The following NINJ2 variants were observed in gnomAD, a reference collection of about 807,000 sequenced individuals.
NINJ2 encodes ninjurin-2.
A neutral mutation model predicts 11.7 loss-of-function variants in NINJ2; 12 were observed. That is an observed-to-expected ratio of 1.02 (90% CI 0.66 to 1.66). NINJ2 has a LOEUF of 1.66. NINJ2 is among the 40% of genes most tolerant of loss of function. The pLI is 0.00. For missense variants in NINJ2, 187 were observed against 181.8 expected, an observed-to-expected ratio of 1.03 and a Z score of -0.16; for synonymous variants, 93 against 76.8, an observed-to-expected ratio of 1.21 and a Z score of -1.10.
At position 584,954 on chromosome 12, in the gene NINJ2, T is replaced by C. The variant is rs375113727; in HGVS notation, c.34-18776A>G. 3.0e-4 allele frequency among the ~76,000 whole-genome samples: 45 copies of C among 151,486 alleles called. No homozygotes were observed. The East Asian group carries it at 7.8e-3, about 26-fold the overall frequency. ...CAATATGGTGAAACCCCGTCTCTACTAAAAATAAAAGAAAATTAGCTGGGC... is the reference window on the plus strand; with the variant it reads ...CAATATGGTGAAACCCCGTCTCTACCAAAAATAAAAGAAAATTAGCTGGGC... On this transcript the variant is annotated intron_variant, in intron 1 of 3. Transcript: ENST00000305108.
At chr12:588,176 C>T (rs75881003) in intron 1 of NINJ2, among the ~76,000 whole-genome samples, 3 of 142,522 alleles carry the variant, frequency 2.1e-5, no homozygotes, top group South Asian at 2.2e-4. Context: ...ACGGAAGGGA[C>T]GGAAGGGACG....
At chr12:566,650 G>C (rs953130389) in intron 1 of NINJ2, among the ~76,000 whole-genome samples, 2 of 152,186 alleles carry the variant, frequency 1.3e-5, no homozygotes, top group African/African-American at 4.8e-5. Flanking sequence ...CCCAAGGCAG[G>C]GTGCACAGCT....
At chr12:616,403 A>G (rs933399077) in intron 1 of NINJ2, among the ~76,000 whole-genome samples, 5 of 152,114 alleles carry the variant, frequency 3.3e-5, no homozygotes, top group Non-Finnish European at 4.4e-5. Context: ...CCTGAGAGAG[A>G]GGACTGTGTG....
In NINJ2 at chr12:633,163, C is replaced by T. The variant is rs1948303224; in HGVS notation, c.33+30165G>A. Among the ~76,000 whole-genome samples, 1 of 152,000 alleles carries T rather than the reference C, an allele frequency of 6.6e-6. No individual in the cohort carries two copies. Among genetic ancestry groups the T allele is most frequent in the African/African-American group, 2.4e-5 (1 of 41,384 alleles). ...CCCTCTAATCTATCTTGCATCCCTT[C>T]CTGAACCAACCTCCCTAAAACTGTG... On this transcript the variant is annotated intron_variant, in intron 1 of 3. Transcript: ENST00000305108. This position sits in a 1 kb window ranked among gnomAD's most constrained non-coding sequence, Gnocchi z 4.3.
chr12:643,443 C>T (rs1937625376), intron 1 of NINJ2: 2 of 988,104 alleles, frequency 2.0e-6, no homozygotes, highest in Non-Finnish European at 1.2e-6. Flanking sequence ...ACGCGGCTCA[C>T]AAACTAGGGA....
intron 1 of NINJ2, among the ~76,000 whole-genome samples, chr12:652,832 A>G (rs1937813848): frequency 6.6e-6 from 1 of 150,814 alleles, no homozygotes; most frequent in African/African-American, 2.4e-5. Flanking sequence ...CCTGTAACCC[A>G]GCTACTTGGG....
At chr12:620,471 T>C (rs550282857) in intron 1 of NINJ2, among the ~76,000 whole-genome samples, 1 of 152,368 alleles carries the variant, frequency 6.6e-6, no homozygotes, top group East Asian at 1.9e-4. Context: ...GTTTGTCAAA[T>C]GCACAGAGGT....
At chr12:596,747 A>C (rs1183630180) in intron 1 of NINJ2, among the ~76,000 whole-genome samples, 1 of 152,028 alleles carries the variant, frequency 6.6e-6, no homozygotes, top group Non-Finnish European at 1.5e-5. Flanking sequence ...ACATGGCAAA[A>C]TCCTGTCTCT....
At chr12:603,396 T>C (rs184706100) in intron 1 of NINJ2, among the ~76,000 whole-genome samples, 1 of 152,362 alleles carries the variant, frequency 6.6e-6, no homozygotes, top group African/African-American at 2.4e-5. Context: ...GATGGTGCCA[T>C]TTGAAACGCA....
chr12:602,409 T>C (rs1054584465), intron 1 of NINJ2, among the ~76,000 whole-genome samples: 9 of 152,240 alleles, frequency 5.9e-5, no homozygotes, highest in African/African-American at 1.9e-4. Flanking sequence ...CTTTGTGTTG[T>C]TCATTTAGCA....
intron 1 of NINJ2, among the ~76,000 whole-genome samples, chr12:624,890 C>T (rs984830982): frequency 6.6e-6 from 1 of 151,136 alleles, no homozygotes; most frequent in African/African-American, 2.4e-5. Flanking sequence ...GGGTGGATCA[C>T]CTGAGGTAAG....
intron 1 of NINJ2, among the ~76,000 whole-genome samples, chr12:653,255 G>A (rs1041730139): frequency 2.0e-5 from 3 of 151,776 alleles, no homozygotes; most frequent in East Asian, 1.9e-4. Context: ...CTCTTGACCC[G>A]TGATCTGCCC....
At chr12:662,193 G>T (rs1937966536) in intron 1 of NINJ2, among the ~76,000 whole-genome samples, 2 of 152,240 alleles carry the variant, frequency 1.3e-5, no homozygotes, top group African/African-American at 4.8e-5. Context: ...GAAGGTTCCA[G>T]ACAGAGGGAC....
intron 1 of NINJ2, among the ~76,000 whole-genome samples, chr12:634,909 A>G (rs1174340985): frequency 1.3e-5 from 2 of 152,036 alleles, no homozygotes; most frequent in African/African-American, 4.8e-5. Context: ...GAAACCATAC[A>G]CTTCTTTTTT....
chr12:642,440 A>G (rs1948430666), intron 1 of NINJ2, among the ~76,000 whole-genome samples: 1 of 152,118 alleles, frequency 6.6e-6, no homozygotes, highest in Admixed American at 6.5e-5. Context: ...CATGCTGGCC[A>G]GGATGGTCTT....
chr12:611,309 TTC>T (rs199681450), intron 1 of NINJ2, among the ~76,000 whole-genome samples: 13 of 149,930 alleles, frequency 8.7e-5, no homozygotes, highest in South Asian at 2.2e-4. Flanking sequence ...CTTCCTTTCT[TTC>T]TCTCTCTCTC....
chr12:588,351 C>T (rs1413676647), intron 1 of NINJ2, among the ~76,000 whole-genome samples: 3 of 152,174 alleles, frequency 2.0e-5, no homozygotes, highest in African/African-American at 7.2e-5. Context: ...ATAACTATGA[C>T]ATCAAATCCG....
chr12:595,197 G>T (rs891224739), intron 1 of NINJ2, among the ~76,000 whole-genome samples: 3 of 151,946 alleles, frequency 2.0e-5, no homozygotes, highest in Non-Finnish European at 4.4e-5. Flanking sequence ...AACTCAAAAT[G>T]GATCATAGAT....
chr12:584,544 G>C (rs185204095), intron 1 of NINJ2, among the ~76,000 whole-genome samples: 1 of 152,228 alleles, frequency 6.6e-6, no homozygotes, highest in Admixed American at 6.5e-5. Context: ...GGTGGCACCC[G>C]CCTGTAATCC....
Sources: gnomAD v4.1 joint callset for allele counts (sites outside exome capture counted in the v4.1 genomes callset) on GRCh38, gnomAD v4.1.1 for gene constraint, Gnocchi (gnomAD v3.1) non-coding constraint, MANE v1.5 for transcripts, NCBI Gene and HGNC (gene_info 2026-07-23, HGNC 2026-07-21) for gene names.